PTPRA: variants seen among roughly 807,000 people sequenced by gnomAD.
PTPRA encodes protein tyrosine phosphatase receptor type A, also known as receptor-type tyrosine-protein phosphatase alpha.
A neutral mutation model predicts 104.8 loss-of-function variants in PTPRA; 25 were observed. The observed-to-expected ratio is 0.24, with a 90% confidence interval of 0.17 to 0.33. The LOEUF (loss-of-function observed/expected upper bound fraction) is 0.33. Ranked by LOEUF, PTPRA falls within the 10% of genes least tolerant of loss-of-function variation. The pLI is 1.00. For synonymous variants in PTPRA, 323 were observed against 368.9 expected, an observed-to-expected ratio of 0.88 and a Z score of 1.43; for missense variants, 765 against 1,015.3, an observed-to-expected ratio of 0.75 and a Z score of 3.35.
chr20:2,966,608 A>G (rs2061955370), intron 5 of PTPRA, among the ~76,000 whole-genome samples: 1 of 152,212 alleles, frequency 6.6e-6, no homozygotes, highest in African/African-American at 2.4e-5. Context: ...GAGTTAATGT[A>G]GTTTTGTCAT....
chr20:2,912,493 T>A (rs1370908733), intron 1 of PTPRA, among the ~76,000 whole-genome samples: 1 of 151,958 alleles, frequency 6.6e-6, no homozygotes. Context: ...GCATGGTGGC[T>A]CACGCCCGTA....
At chr20:2,869,820 T>C (rs564916642), upstream of PTPRA, among the ~76,000 whole-genome samples, 154 of 149,326 alleles carry the variant, frequency 1.0e-3, 1 homozygote, top group African/African-American at 3.4e-3. Flanking sequence ...ACAAAAAAAT[T>C]AGCTGGGGGT....
chr20:2,871,826 G>C (rs1355161852), upstream of PTPRA, among the ~76,000 whole-genome samples: 1 of 152,204 alleles, frequency 6.6e-6, no homozygotes, highest in Non-Finnish European at 1.5e-5. Context: ...TGGACTCTGG[G>C]CCTTTGGGCT....
At chr20:3,034,463 T>A (rs1359729720) in intron 20 of PTPRA, among the ~76,000 whole-genome samples, 1 of 152,060 alleles carries the variant, frequency 6.6e-6, no homozygotes, top group Non-Finnish European at 1.5e-5. Context: ...AAAGCAGTGT[T>A]GAGAAGGCAC....
At position 3,037,754 on chromosome 20, in the gene PTPRA, G is replaced by A. The variant is rs539828934; in HGVS notation, c.2335-305G>A. Among the ~76,000 whole-genome samples the A allele has an allele frequency of 2.5e-4, 38 of 152,340 alleles. No homozygotes were observed. Among genetic ancestry groups the A allele is most frequent in the African/African-American group, 8.4e-4 (35 of 41,570 alleles). On this transcript the variant is annotated intron_variant, in intron 23 of 23. Transcript: ENST00000399903. The surrounding 1 kb of genome is among the most constrained non-coding windows in gnomAD (Gnocchi z 4.3). The stretch of plus-strand genomic sequence containing the variant: ...TGAGAGCCAGGGTGCATGCTAGCCT[G>A]GCAGCCATGGTAAGCGTGGGCCATG...
chr20:2,974,889 A>C (rs542499165), intron 5 of PTPRA, among the ~76,000 whole-genome samples: 1 of 152,198 alleles, frequency 6.6e-6, no homozygotes, highest in South Asian at 2.1e-4. Context: ...ATTACTTATC[A>C]TTTTGGTCTT....
chr20:2,929,611 G>A (rs1851452046), intron 2 of PTPRA, among the ~76,000 whole-genome samples: 1 of 152,116 alleles, frequency 6.6e-6, no homozygotes, highest in African/African-American at 2.4e-5. Flanking sequence ...GATTGCTTGA[G>A]CTCAGGAGTT....
chr20:2,912,131 C>A (rs2059746301), intron 1 of PTPRA, among the ~76,000 whole-genome samples: 1 of 151,926 alleles, frequency 6.6e-6, no homozygotes, highest in Admixed American at 6.6e-5. Flanking sequence ...TCTGTATTCC[C>A]AGCTACTCAG....
At chr20:2,910,346 A>G (rs183068102) in intron 1 of PTPRA, among the ~76,000 whole-genome samples, 7 of 84,826 alleles carry the variant, frequency 8.3e-5, no homozygotes, top group Admixed American at 2.7e-4. Flanking sequence ...TATATTTTGT[A>G]TATTATATAT....
intron 11 of PTPRA, among the ~76,000 whole-genome samples, chr20:3,011,459 C>T (rs2064165582): frequency 6.6e-6 from 1 of 152,130 alleles, no homozygotes; most frequent in African/African-American, 2.4e-5. Context: ...GGAGGTATTG[C>T]CAGGTTCTGT....
At chr20:3,005,658 C>T (rs1477026364) in intron 10 of PTPRA, among the ~76,000 whole-genome samples, 1 of 152,176 alleles carries the variant, frequency 6.6e-6, no homozygotes, top group African/African-American at 2.4e-5. Context: ...CCCACATACT[C>T]AGAGTCAATT....
chr20:2,912,579 G>A (rs143511477), intron 1 of PTPRA, among the ~76,000 whole-genome samples: 13 of 147,674 alleles, frequency 8.8e-5, no homozygotes, highest in African/African-American at 3.0e-4. Flanking sequence ...AGCTGAGATC[G>A]CACCTCTGCA....
chr20:3,030,633 T>C (rs1416489854), intron 20 of PTPRA, among the ~76,000 whole-genome samples: 1 of 149,196 alleles, frequency 6.7e-6, no homozygotes, highest in Non-Finnish European at 1.5e-5. Context: ...ACTTACAAAT[T>C]AAAATCTCGA....
At chr20:2,949,417 A>G (rs1437376290) in intron 3 of PTPRA, among the ~76,000 whole-genome samples, 1 of 151,736 alleles carries the variant, frequency 6.6e-6, no homozygotes, top group African/African-American at 2.4e-5. Context: ...TTCTGCAAGT[A>G]TTAGTCTCCT....
chr20:2,957,324 C>A lies in PTPRA; in HGVS notation c.-6-6948C>A, dbSNP rs189628852. Among the ~76,000 whole-genome samples, 3 of 152,256 alleles carry A rather than the reference C, an allele frequency of 2.0e-5. No homozygotes were observed. In the East Asian group the frequency reaches 5.8e-4, roughly 29 times the overall value. On this transcript the variant is annotated intron_variant, in intron 3 of 23. Transcript: ENST00000399903. ...AAAGATGGTATCTCAGCATTGATTT[C>A]TTTGATCATCAGTGAGGTTGAGCAT...
chr20:2,973,952 ATTT>A (rs540787644), intron 5 of PTPRA, among the ~76,000 whole-genome samples: 2 of 135,342 alleles, frequency 1.5e-5, no homozygotes, highest in Admixed American at 7.5e-5. Context: ...TGTTTGTCTG[ATTT>A]TTTTTTTTTT....
chr20:2,972,757 C>G (rs1018040154), intron 5 of PTPRA, among the ~76,000 whole-genome samples: 1 of 151,800 alleles, frequency 6.6e-6, no homozygotes, highest in Non-Finnish European at 1.5e-5. Context: ...TTCACTGTTG[C>G]CTAGTGCTGG....
At chr20:3,007,222 G>A in intron 10 of PTPRA, 122 bp from the exon 11 acceptor site, 6 of 864,788 alleles carry the variant, frequency 6.9e-6, no homozygotes, top group Non-Finnish European at 1.1e-5. Flanking sequence ...TGTTGGAGTG[G>A]CATCTTTATA....
At chr20:2,897,410 C>G (rs1393493291) in intron 1 of PTPRA, among the ~76,000 whole-genome samples, 1 of 118,396 alleles carries the variant, frequency 8.4e-6, no homozygotes, top group Non-Finnish European at 1.6e-5. Context: ...TTTTTTGAGA[C>G]GGAGTCTCGC....
Sources: allele counts gnomAD v4.1 joint callset (sites outside exome capture counted in the v4.1 genomes callset), GRCh38; gene constraint gnomAD v4.1.1; non-coding constraint Gnocchi (gnomAD v3.1); transcripts MANE v1.5; gene names NCBI Gene and HGNC (gene_info 2026-07-23, HGNC 2026-07-21).